DIAPH2: variants seen among roughly 807,000 people sequenced by gnomAD.
DIAPH2 encodes protein diaphanous homolog 2.
A neutral mutation model predicts 92.7 loss-of-function variants in DIAPH2; 35 were observed. That is an observed-to-expected ratio of 0.38 (90% confidence interval 0.29 to 0.50). DIAPH2 has a LOEUF of 0.50. Among genes scored for constraint, DIAPH2 ranks in the 20% least tolerant of loss-of-function variants. The pLI is 0.94. For synonymous variants in DIAPH2, 301 were observed against 280.4 expected, an observed-to-expected ratio of 1.07 and a Z score of -0.73; for missense variants, 701 against 819.5, an observed-to-expected ratio of 0.86 and a Z score of 1.77.
At chrX:97,087,276 A>G (rs1171709564) in intron 19 of DIAPH2, among the ~76,000 whole-genome samples, 1 of 112,025 alleles carries the variant, frequency 8.9e-6, no homozygotes, top group African/African-American at 3.2e-5. Flanking sequence ...GAACCATTTA[A>G]TGAAGTCTTT....
intron 23 of DIAPH2, among the ~76,000 whole-genome samples, chrX:97,322,288 T>TA (rs1448952438): frequency 8.9e-6 from 1 of 112,484 alleles, no homozygotes; most frequent in Non-Finnish European, 1.9e-5. Flanking sequence ...TAATGCAATT[T>TA]AAAAAATGTA....
chrX:97,222,055 G>A (rs1163151992), intron 22 of DIAPH2, among the ~76,000 whole-genome samples: 3 of 111,329 alleles, frequency 2.7e-5, no homozygotes, highest in Non-Finnish European at 3.8e-5. Context: ...TATTTCTACA[G>A]CAAACTTCAT....
rs190072912 is a variant in DIAPH2, at chrX:97,263,879, G to A, written c.2844+16040G>A. Among the ~76,000 whole-genome samples the A allele has an allele frequency of 5.2e-3, 544 of 103,764 alleles. 3 individuals are homozygous for A. The highest frequency in any genetic ancestry group is 0.018 in the African/African-American group (521 of 29,395). 90.1% of individuals were successfully genotyped at this position (103,764 alleles called of 115,157 possible). A position where few individuals can be genotyped will look rare whatever the true frequency, so the allele number is the denominator to read the frequency against. On this transcript the variant is annotated intron_variant, in intron 23 of 26. Coordinates refer to ENST00000324765, the MANE Select transcript of DIAPH2 (RefSeq NM_006729.5). Reference sequence around the variant, plus strand: ...TAGGATTACCGGCGTGAGCCACTGCGCCCAGCTCCAACTGTTAGTTTTTTA... The same window carrying A: ...TAGGATTACCGGCGTGAGCCACTGCACCCAGCTCCAACTGTTAGTTTTTTA...
intron 26 of DIAPH2, among the ~76,000 whole-genome samples, chrX:97,516,619 C>T (rs1272658346): frequency 1.8e-5 from 2 of 112,203 alleles, no homozygotes; most frequent in South Asian, 3.8e-4. Context: ...GAGGAGGCAA[C>T]GCAGCTTGTT....
intron 26 of DIAPH2, among the ~76,000 whole-genome samples, chrX:97,433,230 G>C (rs1454787119): frequency 3.6e-5 from 4 of 110,901 alleles, no homozygotes; most frequent in Admixed American, 2.9e-4. Flanking sequence ...AAACAAAAAG[G>C]CTGGGCGTGG....
Position 97,277,976 on chromosome X carries a change from G to A in DIAPH2, c.2844+30137G>A, listed in dbSNP as rs143367989. ...TTTTCCTGCCTAAGCCTCCGGAGTA[G>A]CTGGGATTACAGGCACGCGCCACCA... On this transcript the variant is annotated intron_variant, in intron 23 of 26. Coordinates refer to ENST00000324765, the MANE Select transcript of DIAPH2 (RefSeq NM_006729.5). Among the ~76,000 whole-genome samples the A allele has an allele frequency of 7.5e-3, 833 of 111,799 alleles. 5 individuals carry two copies. Among genetic ancestry groups the A allele is most frequent in the African/African-American group, 0.026 (788 of 30,814 alleles).
intron 26 of DIAPH2, among the ~76,000 whole-genome samples, chrX:97,487,478 G>A (rs2070697058): frequency 9.0e-6 from 1 of 111,011 alleles, no homozygotes; most frequent in South Asian, 3.9e-4. Context: ...GTTTCACCAT[G>A]TTAGCCAGGA....
chrX:97,315,680 T>TA (rs397822067), intron 23 of DIAPH2, among the ~76,000 whole-genome samples: 1 of 110,202 alleles, frequency 9.1e-6, no homozygotes, highest in Non-Finnish European at 1.9e-5. Flanking sequence ...TTTTTTTTTT[T>TA]AAACCACAGC....
intron 23 of DIAPH2, among the ~76,000 whole-genome samples, chrX:97,276,788 G>A (rs942988275): frequency 9.0e-6 from 1 of 111,517 alleles, no homozygotes; most frequent in African/African-American, 3.3e-5. Context: ...TAAATTATTT[G>A]GAATATGATA....
At chrX:96,958,202 T>TATGTGTAAACATTATACA in intron 16 of DIAPH2, 54 bp downstream of exon 16, 1 of 1,163,601 alleles carries the variant, frequency 8.6e-7, no homozygotes, top group Non-Finnish European at 1.2e-6. Flanking sequence ...TGATCATTGC[T>TATGTGTAAACATTATACA]ATGTGTACAC....
At chrX:96,994,161 G>T (rs2066089791) in intron 17 of DIAPH2, among the ~76,000 whole-genome samples, 1 of 111,986 alleles carries the variant, frequency 8.9e-6, no homozygotes, top group Admixed American at 9.5e-5. Flanking sequence ...TTTTAAACAA[G>T]TCTCAATTGG....
chrX:96,903,591 G>A (rs1478176958), intron 5 of DIAPH2, among the ~76,000 whole-genome samples: 8 of 112,011 alleles, frequency 7.1e-5, no homozygotes, highest in Non-Finnish European at 1.5e-4. Context: ...GATAGAAAAT[G>A]TGAGTAGCTT....
chrX:97,377,948 T>C (rs187531918), intron 24 of DIAPH2, among the ~76,000 whole-genome samples: 1 of 110,010 alleles, frequency 9.1e-6, no homozygotes, highest in African/African-American at 3.3e-5. Flanking sequence ...AAAGAAACAA[T>C]TTAAAAATTC....
chrX:97,523,445 T>C (rs190528877), intron 26 of DIAPH2, among the ~76,000 whole-genome samples: 2 of 112,198 alleles, frequency 1.8e-5, no homozygotes, highest in African/African-American at 6.5e-5. Context: ...AATCCTATTT[T>C]ATTTAAGTGG....
intron 23 of DIAPH2, among the ~76,000 whole-genome samples, chrX:97,260,773 G>T (rs1327234731): frequency 8.9e-6 from 1 of 112,104 alleles, no homozygotes; most frequent in Admixed American, 9.5e-5. Flanking sequence ...TGTGAACCTT[G>T]TGGGAGCTGG....
chrX:96,938,894 T>A (rs1208706580), intron 11 of DIAPH2, among the ~76,000 whole-genome samples: 2 of 111,969 alleles, frequency 1.8e-5, no homozygotes, highest in African/African-American at 6.5e-5. Context: ...AGTAGTGATT[T>A]GCATGAATAA....
intron 22 of DIAPH2, among the ~76,000 whole-genome samples, chrX:97,232,157 ACCATCCTCACATAG>A: frequency 9.0e-6 from 1 of 110,728 alleles, no homozygotes; most frequent in Non-Finnish European, 1.9e-5. Context: ...TGTACCCACA[ACCATCCTCACATAG>A]CCCTTGCCTC....
chrX:97,163,140 A>T (rs1469723016), intron 22 of DIAPH2, among the ~76,000 whole-genome samples: 1 of 110,445 alleles, frequency 9.1e-6, no homozygotes, highest in Non-Finnish European at 1.9e-5. Flanking sequence ...ACCAGTTTTT[A>T]CATTAATTTT....
At position 97,370,222 on chromosome X, in the gene DIAPH2, T is replaced by A. The variant is rs149197418; in HGVS notation, c.3010-13687T>A. Among the ~76,000 whole-genome samples the A allele has an allele frequency of 2.9e-3, 330 of 111,934 alleles. 2 individuals carry two copies. The highest frequency in any genetic ancestry group is 0.029 in the Admixed American group (301 of 10,520). On this transcript the variant is annotated intron_variant, in intron 24 of 26. Coordinates refer to ENST00000324765, the MANE Select transcript of DIAPH2 (RefSeq NM_006729.5). ...TACCTTTATTGCTTCCCTGCCCTCT[T>A]CTTCCTTTCCCTGTCCCTCTCATCA...
Sources: gnomAD v4.1 joint callset for allele counts (sites outside exome capture counted in the v4.1 genomes callset) on GRCh38, gnomAD v4.1.1 for gene constraint, MANE v1.5 for transcripts, NCBI Gene and HGNC (gene_info 2026-07-23, HGNC 2026-07-21) for gene names.